TERF2: variants seen among roughly 807,000 people sequenced by gnomAD.
TERF2 encodes telomeric repeat-binding factor 2.
TERF2 carries 16 observed loss-of-function variants against 56.1 expected under a neutral mutation model. That is an observed-to-expected ratio of 0.29 (90% confidence interval 0.19 to 0.43). The LOEUF (loss-of-function observed/expected upper bound fraction) is 0.43. Ranked by LOEUF, TERF2 falls within the 20% of genes least tolerant of loss-of-function variation. TERF2 has a pLI of 1.00. For missense variants in TERF2, 547 were observed against 712.9 expected (o/e 0.77, Z 2.65); for synonymous variants, 296 against 282.1 (o/e 1.05, Z -0.50).
At chr16:69,372,518 T>C (rs1470260113) in intron 3 of TERF2, among the ~76,000 whole-genome samples, 163 bp from the exon 4 acceptor site, 3 of 152,142 alleles carry the variant, frequency 2.0e-5, no homozygotes, top group African/African-American at 7.2e-5. Context: ...ATCCCAGCAC[T>C]TTGGGAGGCC....
rs12919390 is a variant in TERF2 at position 69,368,972 on chromosome 16, G to A, written c.841-490C>T. Among the ~76,000 whole-genome samples, 552 of 152,140 alleles carry A rather than the reference G, an allele frequency of 3.6e-3. 1 individual carries two copies. The highest frequency in any genetic ancestry group is 6.8e-3 in the Non-Finnish European group (464 of 68,006). On this transcript the variant is annotated intron_variant, in intron 5 of 9. Transcript: ENST00000254942. ...ATTACAGGCATGAGCCACCATGCCC[G>A]GCAATAAATGTTCATACTAATATCT...
At chr16:69,382,049 C>T (rs1233984809) in intron 3 of TERF2, among the ~76,000 whole-genome samples, 4 of 152,198 alleles carry the variant, frequency 2.6e-5, no homozygotes, top group African/African-American at 9.6e-5. Flanking sequence ...CCATTTTACT[C>T]ATCCTTGCTT....
rs2012885600 is a variant in TERF2 at position 69,356,116 on chromosome 16, T to G, written c.*782A>C. ...TTATTCCACAAGGACTGGTCTGTCA[T>G]CAACCTGGGTTCATAACAGACTAAG... is the stretch of plus-strand genomic sequence containing the variant. On this transcript the variant is annotated 3_prime_UTR_variant, in exon 10 of 10. Transcript: ENST00000254942. 3 of 430,532 alleles carry G rather than the reference T, an allele frequency of 7.0e-6. No individual in the cohort carries two copies. Among genetic ancestry groups the G allele is most frequent in the South Asian group, 5.1e-5 (3 of 59,350 alleles). The allele number at this position is 430,532 out of a possible 1,614,324, so 26.7% of individuals were successfully genotyped here. A position where few individuals can be genotyped will look rare whatever the true frequency, so the allele number is the denominator to read the frequency against.
intron 3 of TERF2, among the ~76,000 whole-genome samples, chr16:69,382,555 A>T (rs1411233224): frequency 6.6e-6 from 1 of 152,170 alleles, no homozygotes; most frequent in Non-Finnish European, 1.5e-5. Flanking sequence ...TGGAAGTGAT[A>T]ATGTGTCACT....
Position 69,356,789 on chromosome 16 carries a change from G to A in TERF2, c.*109C>T. 1 of 1,244,286 alleles carries A rather than the reference G, an allele frequency of 8.0e-7. No individual in the cohort carries two copies. Among genetic ancestry groups the A allele is most frequent in the Non-Finnish European group, 1.1e-6 (1 of 924,016 alleles). The allele number at this position is 1,244,286 out of a possible 1,614,324, so 77.1% of individuals were successfully genotyped here. A position where few individuals can be genotyped will look rare whatever the true frequency, so the allele number is the denominator to read the frequency against. Reference sequence around the variant, plus strand: ...CACTCCAGCCTGGGTGACAGAGCGAGACTCTGTCTCAAAAAAAAAAAAAAA... The same window carrying A: ...CACTCCAGCCTGGGTGACAGAGCGAAACTCTGTCTCAAAAAAAAAAAAAAA... On this transcript the variant is annotated 3_prime_UTR_variant, in exon 10 of 10. Transcript: ENST00000254942.
chr16:69,384,056 T>A (rs1300578855), intron 3 of TERF2, among the ~76,000 whole-genome samples: 1 of 152,216 alleles, frequency 6.6e-6, no homozygotes, highest in East Asian at 1.9e-4. Context: ...TCAAGAACAC[T>A]GCCTGTGCCG....
rs189128956 is a variant in TERF2 at position 69,372,716 on chromosome 16, C to G, written c.607-361G>C. ...CGCAGAGGTTGCAGTAAGCCGAGAT[C>G]GCGCCACTGCACTCCAGCCTGGGCA... On this transcript the variant is annotated intron_variant, in intron 3 of 9. Coordinates refer to ENST00000254942, the MANE Select transcript of TERF2 (RefSeq NM_005652.5). Among the ~76,000 whole-genome samples the G allele has an allele frequency of 2.0e-5, 3 of 152,166 alleles. No individual in the cohort carries two copies. The East Asian group carries it at 5.8e-4, about 30-fold the overall frequency.
intron 3 of TERF2, among the ~76,000 whole-genome samples, chr16:69,376,639 A>G (rs2013793787): frequency 1.3e-5 from 2 of 150,456 alleles, no homozygotes; most frequent in African/African-American, 4.9e-5. Context: ...TGAGCCCAGG[A>G]GTTCAAGACC....
intron 3 of TERF2, among the ~76,000 whole-genome samples, chr16:69,379,743 A>G (rs993178280): frequency 6.6e-6 from 1 of 152,228 alleles, no homozygotes; most frequent in African/African-American, 2.4e-5. Context: ...GGTAACATAA[A>G]TAACATCCTT....
At chr16:69,377,942 C>G (rs1160590365) in intron 3 of TERF2, among the ~76,000 whole-genome samples, 1 of 152,006 alleles carries the variant, frequency 6.6e-6, no homozygotes, top group Non-Finnish European at 1.5e-5. Flanking sequence ...GCTTTTTCCC[C>G]CTTGCCTTAT....
At chr16:69,357,671 G>A (rs2012955993) in intron 8 of TERF2, 110 bp from the exon 9 acceptor site, 1 of 1,279,682 alleles carries the variant, frequency 7.8e-7, no homozygotes, top group Admixed American at 2.3e-5. Context: ...AATTTCACAA[G>A]CATTGAGAAG....
At chr16:69,373,047 T>A (rs1365261569) in intron 3 of TERF2, among the ~76,000 whole-genome samples, 2 of 151,874 alleles carry the variant, frequency 1.3e-5, no homozygotes, top group South Asian at 2.1e-4. Flanking sequence ...AAGAGGGGGA[T>A]GAGGGAGGGA....
At position 69,384,767 on chromosome 16, in the gene TERF2, G is replaced by C; in HGVS notation, c.476-57C>G. The C allele has an allele frequency of 2.0e-6, 3 of 1,470,784 alleles. 1 individual carries two copies. The highest frequency in any genetic ancestry group is 2.7e-6 in the Non-Finnish European group (3 of 1,098,008). The allele number at this position is 1,470,784 out of a possible 1,614,324, so 91.1% of individuals were successfully genotyped here. On this transcript the variant is annotated intron_variant, in intron 2 of 9. Coordinates refer to ENST00000254942, the MANE Select transcript of TERF2 (RefSeq NM_005652.5). ...TCTTTTCTAAGGGTAAAAAAGTTAT[G>C]TCCAAAAATTATATATATATATTTA...
At chr16:69,373,827 C>T (rs1206663383) in intron 3 of TERF2, among the ~76,000 whole-genome samples, 1 of 152,106 alleles carries the variant, frequency 6.6e-6, no homozygotes, top group Non-Finnish European at 1.5e-5. Context: ...AGCGATACCC[C>T]GTCTCAAAAC....
chr16:69,372,848 A>C (rs1019777430), intron 3 of TERF2, among the ~76,000 whole-genome samples: 2 of 152,118 alleles, frequency 1.3e-5, no homozygotes, highest in African/African-American at 2.4e-5. Flanking sequence ...GTCACTTTTC[A>C]ACAATACAAT....
At chr16:69,361,004 G>T (rs2013117366) in intron 8 of TERF2, among the ~76,000 whole-genome samples, 1 of 151,782 alleles carries the variant, frequency 6.6e-6, no homozygotes, top group Non-Finnish European at 1.5e-5. Context: ...AGGCTGAGGT[G>T]GGAGGATCGC....
At chr16:69,363,786 G>A (rs183541487) in intron 7 of TERF2, among the ~76,000 whole-genome samples, 11 of 152,284 alleles carry the variant, frequency 7.2e-5, no homozygotes, top group African/African-American at 9.6e-5. Context: ...AGCCTACATG[G>A]TCAAACCCCA....
chr16:69,371,469 C>T, intron 4 of TERF2, among the ~76,000 whole-genome samples: 1 of 148,328 alleles, frequency 6.7e-6, no homozygotes, highest in South Asian at 2.2e-4. Flanking sequence ...CCACTATACT[C>T]CAGCCCGGGC....
chr16:69,359,293 C>T (rs1176096050), intron 8 of TERF2, among the ~76,000 whole-genome samples: 1 of 152,038 alleles, frequency 6.6e-6, no homozygotes, highest in East Asian at 1.9e-4. Context: ...TTTGGGAGGC[C>T]AAGGCGGGCG....
Sources: allele counts gnomAD v4.1 joint callset (sites outside exome capture counted in the v4.1 genomes callset), GRCh38; gene constraint gnomAD v4.1.1; transcripts MANE v1.5; gene names NCBI Gene and HGNC (gene_info 2026-07-23, HGNC 2026-07-21).